CLASP1: variants seen among roughly 807,000 people sequenced by gnomAD.
CLASP1 encodes the protein cytoplasmic linker associated protein 1.
Under a neutral mutation model 192.3 loss-of-function variants are expected in CLASP1, and 38 were observed. The ratio of observed to expected loss-of-function variants is 0.20; its 90% CI spans 0.15 to 0.26. The LOEUF (loss-of-function observed/expected upper bound fraction) is 0.26. CLASP1 is among the 10% of genes least tolerant of loss of function. The pLI is 1.00. For missense variants in CLASP1, 1,433 were observed against 1,932.5 expected, an observed-to-expected ratio of 0.74 and a Z score of 4.85; for synonymous variants, 691 against 712.8, an observed-to-expected ratio of 0.97 and a Z score of 0.49.
chr2:121,429,288 T>C (rs1301182716), intron 20 of CLASP1, among the ~76,000 whole-genome samples: 1 of 152,124 alleles, frequency 6.6e-6, no homozygotes, highest in African/African-American at 2.4e-5. Context: ...AGCTAGTGAG[T>C]GCTGTGCTGT....
intron 29 of CLASP1, 140 bp from the exon 31 acceptor site, chr2:121,397,423 G>A (rs1033270195): frequency 1.5e-5 from 11 of 710,804 alleles, no homozygotes; most frequent in Middle Eastern, 3.7e-4. Context: ...TCCACGTGGA[G>A]CGACATCCAA....
At chr2:121,400,718 T>C (rs2076040482) in intron 28 of CLASP1, among the ~76,000 whole-genome samples, 1 of 152,248 alleles carries the variant, frequency 6.6e-6, no homozygotes, top group Non-Finnish European at 1.5e-5. Flanking sequence ...TGAAATTCTA[T>C]GATAACTAGA....
chr2:121,504,875 G>A (rs759250362), intron 7 of CLASP1: 1 of 152,170 alleles, frequency 6.6e-6, no homozygotes, highest in South Asian at 2.1e-4. Context: ...AGCTGGCACT[G>A]AATAAAACTC....
intron 8 of CLASP1, among the ~76,000 whole-genome samples, chr2:121,472,250 C>T (rs1283059918): frequency 1.3e-5 from 2 of 152,142 alleles, no homozygotes; most frequent in Non-Finnish European, 2.9e-5. Flanking sequence ...TTTCAATGGA[C>T]CAATTTCAAT....
intron 7 of CLASP1, among the ~76,000 whole-genome samples, chr2:121,511,291 TAAGAG>T (rs2094127932): frequency 6.6e-6 from 1 of 151,850 alleles, no homozygotes; most frequent in African/African-American, 2.4e-5. Context: ...TGAGAGAGGT[TAAGAG>T]AAAAGAGAGC....
At chr2:121,640,874 C>A (rs765850100) in intron 1 of CLASP1, among the ~76,000 whole-genome samples, 2 of 152,194 alleles carry the variant, frequency 1.3e-5, no homozygotes, top group Non-Finnish European at 2.9e-5. Flanking sequence ...ACCTCTAGCA[C>A]CCATCCAACT....
chr2:121,339,211 C>G (rs950035198), exon 40 of CLASP1: 1 of 152,372 alleles, frequency 6.6e-6, no homozygotes, highest in Non-Finnish European at 1.5e-5. Context: ...ACTATGGGGC[C>G]TTCATTTTCA....
chr2:121,507,616 T>C (rs1359248613), intron 7 of CLASP1, among the ~76,000 whole-genome samples: 1 of 152,176 alleles, frequency 6.6e-6, no homozygotes, highest in Non-Finnish European at 1.5e-5. Flanking sequence ...AAAAGATATA[T>C]GAAGAATAAT....
chr2:121,424,703 T>C (rs2080088386), intron 22 of CLASP1, among the ~76,000 whole-genome samples: 1 of 152,202 alleles, frequency 6.6e-6, no homozygotes, highest in African/African-American at 2.4e-5. Context: ...TTTTTCACCA[T>C]AAGTTTCACC....
chr2:121,436,160 T>C (rs2082273723), intron 19 of CLASP1, among the ~76,000 whole-genome samples: 1 of 151,920 alleles, frequency 6.6e-6, no homozygotes, highest in Non-Finnish European at 1.5e-5. Flanking sequence ...GTTTCCCTAG[T>C]AGCTGGGATT....
intron 1 of CLASP1, among the ~76,000 whole-genome samples, chr2:121,635,143 G>A (rs1389584758): frequency 1.3e-5 from 2 of 151,374 alleles, no homozygotes; most frequent in African/African-American, 4.9e-5. Context: ...AGAGTTCTAG[G>A]CAGCAGTGAG....
intron 37 of CLASP1, among the ~76,000 whole-genome samples, chr2:121,354,596 G>C (rs1558842607): frequency 6.6e-6 from 1 of 152,188 alleles, no homozygotes; most frequent in South Asian, 2.1e-4. Flanking sequence ...TGGCTTTCTA[G>C]TGCAAGAAAT....
At chr2:121,421,986 A>C (rs752753790) in intron 22 of CLASP1, among the ~76,000 whole-genome samples, 2 of 152,260 alleles carry the variant, frequency 1.3e-5, no homozygotes, top group Non-Finnish European at 2.9e-5. Context: ...AAGAGAAGGC[A>C]TAAGAGGGAG....
intron 8 of CLASP1, among the ~76,000 whole-genome samples, chr2:121,492,083 C>G (rs2093333446): frequency 6.6e-6 from 1 of 152,146 alleles, no homozygotes; most frequent in Non-Finnish European, 1.5e-5. Flanking sequence ...AAATTTAAAA[C>G]CTTTATACAC....
intron 1 of CLASP1, among the ~76,000 whole-genome samples, chr2:121,632,687 A>T (rs1292469302): frequency 1.3e-5 from 2 of 152,180 alleles, no homozygotes; most frequent in African/African-American, 4.8e-5. Flanking sequence ...ACCTGAGGTC[A>T]GGAATTCAAG....
At chr2:121,516,721 T>A (rs190809005) in intron 6 of CLASP1, among the ~76,000 whole-genome samples, 2 of 152,178 alleles carry the variant, frequency 1.3e-5, no homozygotes, top group African/African-American at 4.8e-5. Context: ...CACACTGATA[T>A]GTCTAGGGTT....
chr2:121,406,375 A>G (rs1183628548), intron 25 of CLASP1, among the ~76,000 whole-genome samples: 1 of 152,216 alleles, frequency 6.6e-6, no homozygotes, highest in Admixed American at 6.5e-5. Context: ...TACATTTATA[A>G]GCTACATATA....
At chr2:121,583,870 A>C (rs1172627315) in intron 2 of CLASP1, among the ~76,000 whole-genome samples, 1 of 151,878 alleles carries the variant, frequency 6.6e-6, no homozygotes, top group African/African-American at 2.4e-5. Context: ...ACTTTATGAA[A>C]GTGTTAGGGT....
At chr2:121,618,411 C>G (rs528002469) in intron 1 of CLASP1, among the ~76,000 whole-genome samples, 2 of 152,148 alleles carry the variant, frequency 1.3e-5, no homozygotes, top group Admixed American at 6.6e-5. Flanking sequence ...AAAGCACAGA[C>G]GCAAGAGTGT....
Sources: gnomAD v4.1 joint callset for allele counts (sites outside exome capture counted in the v4.1 genomes callset) on GRCh38, gnomAD v4.1.1 for gene constraint, MANE v1.5 for transcripts, NCBI Gene and HGNC (gene_info 2026-07-23, HGNC 2026-07-21) for gene names.